POLR3B: variants seen among roughly 807,000 people sequenced by gnomAD.
The protein encoded by POLR3B is DNA-directed RNA polymerase III subunit RPC2.
POLR3B carries 96 observed loss-of-function variants against 147.4 expected under a neutral mutation model. The ratio of observed to expected loss-of-function variants is 0.65; its 90% CI spans 0.55 to 0.77. POLR3B has a LOEUF of 0.77. Among genes scored for constraint, POLR3B ranks in the 30% least tolerant of loss-of-function variants. The pLI, the probability that POLR3B is intolerant of heterozygous loss-of-function variation, is 0.00. For missense variants in POLR3B, 1,036 were observed against 1,413.5 expected, an observed-to-expected ratio of 0.73 and a Z score of 4.28; for synonymous variants, 461 against 485.9, an observed-to-expected ratio of 0.95 and a Z score of 0.67.
At position 106,405,942 on chromosome 12, in the gene POLR3B, A is replaced by C. The variant is rs1380316789; in HGVS notation, c.932A>C (p.Glu311Ala). Residue 311 changes from glutamate to alanine, a missense_variant, in exon 11 of 28, where the codon GAG becomes GCG. Physicochemically the swap from Glu to Ala is moderately radical, Grantham distance 107 (BLOSUM62 -1). Coordinates refer to ENST00000228347, the MANE Select transcript of POLR3B (RefSeq NM_018082.6). ...PKKTKIEEAR[E>A]LLASTILTHV... is the part of the protein sequence containing the mutation. ...AAAACCAAAATAGAAGAAGCAAGAGAGCTCCTGGCTTCCACCATTCTGACC... is the reference window on the plus strand; with the variant it reads ...AAAACCAAAATAGAAGAAGCAAGAGCGCTCCTGGCTTCCACCATTCTGACC... 1 of 1,613,780 alleles carries C rather than the reference A, an allele frequency of 6.2e-7. No homozygotes were observed. Among genetic ancestry groups the C allele is most frequent in the Non-Finnish European group, 8.5e-7 (1 of 1,179,702 alleles).
Position 106,509,424 on chromosome 12 carries a change from C to T in POLR3B, c.3277C>T (p.His1093Tyr), listed in dbSNP as rs2038740365. The T allele has an allele frequency of 6.2e-7, 1 of 1,613,724 alleles. No individual in the cohort carries two copies. Among genetic ancestry groups the T allele is most frequent in the Non-Finnish European group, 8.5e-7 (1 of 1,179,740 alleles). Reference protein sequence around the residue: ...CGLLGYSGWCHYCKSSCHVSS... With the variant: ...CGLLGYSGWCYYCKSSCHVSS... Reference sequence around the variant, plus strand: ...GCTTGCTGACTTGCGTTTCAGGTGCCATTACTGCAAGTCATCCTGCCACGT... The same window carrying T: ...GCTTGCTGACTTGCGTTTCAGGTGCTATTACTGCAAGTCATCCTGCCACGT... The change falls in exon 28 of 28, where the codon CAT becomes TAT. Residue 1093 changes from histidine (H) to tyrosine (Y), a missense_variant. Coordinates refer to ENST00000228347, the MANE Select transcript of POLR3B (RefSeq NM_018082.6).
intron 24 of POLR3B, 166 bp from the exon 25 acceptor site, chr12:106,496,586 A>T (rs1050062026): frequency 3.0e-6 from 2 of 670,164 alleles, no homozygotes; most frequent in Admixed American, 2.2e-5. Context: ...TCATAGGGGT[A>T]TTGAGAGGCG....
rs796424598 is a variant in POLR3B at position 106,405,093 on chromosome 12, A to G, written c.847-764A>G. On this transcript the variant is annotated intron_variant, in intron 10 of 27. Transcript: ENST00000228347. ...TTCTCTTTCATTGATTTATTTGTCT[A>G]TCCTTGTGCCAGTATCACACTGTTT... 7.2e-5 allele frequency among the ~76,000 whole-genome samples: 11 copies of G among 152,228 alleles called. No homozygotes were observed. The South Asian group carries it at 1.5e-3, about 20-fold the overall frequency.
rs1257294237 is a variant in POLR3B at position 106,376,374 on chromosome 12, A to G, written c.420A>G (p.Leu140=). Residue 140 remains leucine, a synonymous_variant, in exon 7 of 28, where the codon CTA becomes CTG. Coordinates refer to ENST00000228347, the MANE Select transcript of POLR3B (RefSeq NM_018082.6). ...TTTTATACAGAATGCCCATAATGCTACGTAGTTCAAACTGTGTTCTTACAG... is the reference window on the plus strand; with the variant it reads ...TTTTATACAGAATGCCCATAATGCTGCGTAGTTCAAACTGTGTTCTTACAG... The part of the protein sequence containing the change: ...ALPIGRMPIM[L]RSSNCVLTGK... 6.2e-7 allele frequency: 1 copy of G among 1,611,032 alleles called. No individual in the cohort carries two copies. Among genetic ancestry groups the G allele is most frequent in the African/African-American group, 1.3e-5 (1 of 74,872 alleles).
intron 25 of POLR3B, 99 bp downstream of exon 25, chr12:106,497,017 C>A: frequency 8.5e-7 from 1 of 1,172,194 alleles, no homozygotes; most frequent in Non-Finnish European, 1.3e-6. Context: ...TACCTTCAGG[C>A]AAGCTTGTAC....
intron 18 of POLR3B, among the ~76,000 whole-genome samples, chr12:106,439,178 C>G (rs1440989265): frequency 6.6e-6 from 1 of 152,048 alleles, no homozygotes; most frequent in East Asian, 1.9e-4. Context: ...AGTTTGAGAC[C>G]AGCCTGGACA....
intron 18 of POLR3B, among the ~76,000 whole-genome samples, chr12:106,443,192 T>C (rs1216014588): frequency 6.6e-6 from 1 of 152,218 alleles, no homozygotes; most frequent in East Asian, 1.9e-4. Context: ...TACACTTTTT[T>C]TCCTACTATA....
chr12:106,379,204 C>A (rs2036725328), intron 8 of POLR3B, among the ~76,000 whole-genome samples: 1 of 152,168 alleles, frequency 6.6e-6, no homozygotes, highest in African/African-American at 2.4e-5. Flanking sequence ...CTCAGGGGTA[C>A]CTTGACTGTA....
chr12:106,377,728 A>G (rs992691040), intron 7 of POLR3B, among the ~76,000 whole-genome samples: 1 of 152,222 alleles, frequency 6.6e-6, no homozygotes, highest in African/African-American at 2.4e-5. Flanking sequence ...CCAATAAGAT[A>G]CATTTCCTGT....
intron 9 of POLR3B, among the ~76,000 whole-genome samples, chr12:106,384,840 T>C (rs1052154625): frequency 6.6e-6 from 1 of 151,982 alleles, no homozygotes; most frequent in Non-Finnish European, 1.5e-5. Context: ...CTTTTTTTTT[T>C]TTTTTGAGAT....
At chr12:106,365,485 G>T (rs187430012) in intron 2 of POLR3B, among the ~76,000 whole-genome samples, 212 of 152,248 alleles carry the variant, frequency 1.4e-3, no homozygotes, top group African/African-American at 4.8e-3. Context: ...CTCCCGAGTA[G>T]CTGTGACTGT....
chr12:106,392,364 C>T (rs950776722), intron 9 of POLR3B, among the ~76,000 whole-genome samples: 2 of 151,984 alleles, frequency 1.3e-5, no homozygotes, highest in Admixed American at 6.6e-5. Context: ...GGTTTCGCCA[C>T]GTTGGCCCAG....
chr12:106,496,799 C>T lies in POLR3B; in HGVS notation c.2865C>T (p.Asp955=), dbSNP rs143284189. The change falls in exon 25 of 28, where the codon GAC becomes GAT. Residue 955 remains aspartate (D), a synonymous_variant. Transcript: ENST00000228347. Reference sequence around the variant, plus strand: ...TGGCTGGCAAGGCCGGTGTGCTGGACGGCAGATTCCACTACGGCACTGCGT... The same window carrying T: ...TGGCTGGCAAGGCCGGTGTGCTGGATGGCAGATTCCACTACGGCACTGCGT... The part of the protein sequence containing the change: ...ELLAGKAGVL[D]GRFHYGTAFG... 273 of 1,614,020 alleles carry T rather than the reference C, an allele frequency of 1.7e-4. 1 individual carries two copies. The African/African-American group carries it at 2.7e-3, about 16-fold the overall frequency.
chr12:106,378,879 G>A (rs917533924), intron 8 of POLR3B, among the ~76,000 whole-genome samples: 3 of 152,186 alleles, frequency 2.0e-5, no homozygotes, highest in Middle Eastern at 3.4e-3. Flanking sequence ...TCTCCCTTTC[G>A]AGGCTTCTGT....
intron 19 of POLR3B, among the ~76,000 whole-genome samples, chr12:106,453,042 T>G (rs1281429753): frequency 1.3e-5 from 2 of 150,870 alleles, no homozygotes; most frequent in Non-Finnish European, 3.0e-5. Context: ...TTTTTTTTTT[T>G]GAGACAGGGT....
At chr12:106,410,589 A>G in intron 11 of POLR3B, 1 of 529,858 alleles carries the variant, frequency 1.9e-6, no homozygotes, top group East Asian at 3.3e-5. Flanking sequence ...TATGAAGGGA[A>G]GAAGTTGATG....
intron 19 of POLR3B, among the ~76,000 whole-genome samples, 170 bp from the exon 20 acceptor site, chr12:106,454,332 G>A (rs963611282): frequency 2.0e-5 from 3 of 152,138 alleles, no homozygotes; most frequent in African/African-American, 4.8e-5. Context: ...GAGAAAAGTT[G>A]CTTTTGCAAG....
In POLR3B at chr12:106,491,088, G is replaced by C. The variant is rs569110280; in HGVS notation, c.2714-4967G>C. ...CCTTTGCTTTGCTAGTTTGCTTCCTGCTGAGAGTAATTAGGTTTCTTATAT... is the reference window on the plus strand; with the variant it reads ...CCTTTGCTTTGCTAGTTTGCTTCCTCCTGAGAGTAATTAGGTTTCTTATAT... On this transcript the variant is annotated intron_variant, in intron 23 of 27. Coordinates refer to ENST00000228347, the MANE Select transcript of POLR3B (RefSeq NM_018082.6). Among the ~76,000 whole-genome samples, 16 of 152,286 alleles carry C rather than the reference G, an allele frequency of 1.1e-4. No homozygotes were observed. The East Asian group carries it at 1.5e-3, about 15-fold the overall frequency.
intron 24 of POLR3B, chr12:106,496,535 CA>C: frequency 3.3e-6 from 2 of 608,400 alleles, no homozygotes; most frequent in Admixed American, 5.7e-5. Flanking sequence ...TCCCATACTT[CA>C]GTTTCTTCAT....
Sources: gnomAD v4.1 joint callset for allele counts (sites outside exome capture counted in the v4.1 genomes callset) on GRCh38, gnomAD v4.1.1 for gene constraint, MANE v1.5 for transcripts, NCBI Gene and HGNC (gene_info 2026-07-23, HGNC 2026-07-21) for gene names.